SLIT2: variants seen among roughly 807,000 people sequenced by gnomAD.
The protein encoded by SLIT2 is slit homolog 2 protein.
SLIT2 carries 41 observed loss-of-function variants against 185.7 expected under a neutral mutation model. The observed-to-expected ratio is 0.22, with a 90% CI of 0.17 to 0.29. SLIT2 has a LOEUF of 0.29. SLIT2 is among the 10% of genes least tolerant of loss of function. The pLI is 1.00. For missense variants in SLIT2, 1,571 were observed against 1,909.0 expected (o/e 0.82, Z 3.30); for synonymous variants, 693 against 680.2 (o/e 1.02, Z -0.29).
At chr4:20,388,916 A>G (rs1725176535) in intron 4 of SLIT2, among the ~76,000 whole-genome samples, 1 of 146,516 alleles carries the variant, frequency 6.8e-6, no homozygotes, top group Non-Finnish European at 1.5e-5. Flanking sequence ...TACATATAAT[A>G]TATATAATAT....
At position 20,595,793 on chromosome 4, in the gene SLIT2, T is replaced by C; in HGVS notation, c.3279T>C (p.Asp1093=). 1 of 1,614,118 alleles carries C rather than the reference T, an allele frequency of 6.2e-7. No individual in the cohort carries two copies. The highest frequency in any genetic ancestry group is 1.1e-5 in the South Asian group (1 of 91,080). ...GTAAAAACGGAGCCCACTGCACAGATGCAGTGAACGGCTATACGTGCATAT... is the reference window on the plus strand; with the variant it reads ...GTAAAAACGGAGCCCACTGCACAGACGCAGTGAACGGCTATACGTGCATAT... ...NKCKNGAHCT[D]AVNGYTCICP... is the part of the protein sequence containing the mutation. The change falls in exon 31 of 37, where the codon GAT becomes GAC. Residue 1093 remains aspartate (D), a synonymous_variant. Transcript: ENST00000504154.
At chr4:20,517,716 G>T (rs1024720993) in intron 11 of SLIT2, among the ~76,000 whole-genome samples, 2 of 151,980 alleles carry the variant, frequency 1.3e-5, no homozygotes, top group African/African-American at 4.8e-5. Flanking sequence ...ATTCCTTTGA[G>T]GATTTTCTTC....
intron 9 of SLIT2, among the ~76,000 whole-genome samples, chr4:20,509,656 G>A (rs1034899957): frequency 3.3e-5 from 5 of 152,090 alleles, no homozygotes; most frequent in Admixed American, 6.6e-5. Flanking sequence ...ATGTTTGTTT[G>A]GAGTGAAAGG....
chr4:20,454,236 A>G (rs1447689371), intron 4 of SLIT2, among the ~76,000 whole-genome samples: 2 of 152,152 alleles, frequency 1.3e-5, no homozygotes, highest in Admixed American at 1.3e-4. Context: ...TACTACGTAT[A>G]ACTAGTCTTT....
At chr4:20,352,662 C>A (rs1410275774) in intron 4 of SLIT2, among the ~76,000 whole-genome samples, 2 of 152,074 alleles carry the variant, frequency 1.3e-5, no homozygotes, top group African/African-American at 2.4e-5. Flanking sequence ...GCCTGTAATC[C>A]CAGCACTTTG....
At chr4:20,550,945 A>T (rs1723693729) in intron 25 of SLIT2, 47 bp downstream of exon 25, 1 of 1,026,578 alleles carries the variant, frequency 9.7e-7, no homozygotes, top group East Asian at 2.4e-5. Flanking sequence ...AACACTTCCT[A>T]ATGAGTGACT....
chr4:20,354,898 TGTGTGTGTGAGA>T (rs1399947630), intron 4 of SLIT2, among the ~76,000 whole-genome samples: 54 of 124,130 alleles, frequency 4.4e-4, no homozygotes, highest in Non-Finnish European at 5.6e-4. Context: ...TGTGTGTGTG[TGTGTGTGTGAGA>T]GAGAGAGAGA....
intron 4 of SLIT2, among the ~76,000 whole-genome samples, chr4:20,449,737 T>TA (rs572449820): frequency 6.9e-4 from 105 of 152,186 alleles, no homozygotes; most frequent in African/African-American, 2.5e-3. Flanking sequence ...TTTATTTGCT[T>TA]AAAAAAATAG....
At chr4:20,267,694 C>T (rs1713178742) in intron 3 of SLIT2, among the ~76,000 whole-genome samples, 1 of 151,858 alleles carries the variant, frequency 6.6e-6, no homozygotes, top group Admixed American at 6.6e-5. Flanking sequence ...GGGCCCATTT[C>T]TGCCCTCTGG....
At chr4:20,458,156 C>T (rs1368276835) in intron 4 of SLIT2, among the ~76,000 whole-genome samples, 1 of 149,348 alleles carries the variant, frequency 6.7e-6, no homozygotes, top group African/African-American at 2.5e-5. Context: ...GGTCACACAA[C>T]AGTGTGAACG....
At chr4:20,566,421 T>C (rs1258726240) in intron 26 of SLIT2, among the ~76,000 whole-genome samples, 1 of 152,084 alleles carries the variant, frequency 6.6e-6, no homozygotes, top group African/African-American at 2.4e-5. Flanking sequence ...CATACTTTTA[T>C]TGAGGACAGT....
intron 4 of SLIT2, among the ~76,000 whole-genome samples, chr4:20,275,291 C>T (rs1714052921): frequency 6.6e-6 from 1 of 152,114 alleles, no homozygotes; most frequent in Non-Finnish European, 1.5e-5. Flanking sequence ...CAGATACTTG[C>T]AGTTCTGTTA....
At chr4:20,543,023 A>G (rs1267693671) in intron 21 of SLIT2, among the ~76,000 whole-genome samples, 1 of 152,058 alleles carries the variant, frequency 6.6e-6, no homozygotes, top group Non-Finnish European at 1.5e-5. Flanking sequence ...GCACTTTGGG[A>G]AATGCTTTAT....
intron 4 of SLIT2, among the ~76,000 whole-genome samples, chr4:20,372,162 C>T (rs1341499288): frequency 1.3e-5 from 2 of 152,036 alleles, no homozygotes; most frequent in African/African-American, 4.8e-5. Context: ...TTTTTGAAGC[C>T]TTGATTTCAT....
Position 20,313,127 on chromosome 4 carries a change from T to A in SLIT2, c.395+44246T>A, listed in dbSNP as rs138295124. On this transcript the variant is annotated intron_variant, in intron 4 of 36. Transcript: ENST00000504154. Reference sequence around the variant, plus strand: ...TTTCTGTAAAAAGTGGCTGTATTAGTCTGTTTCTGCATTGCTATAAAGAAA... The same window carrying A: ...TTTCTGTAAAAAGTGGCTGTATTAGACTGTTTCTGCATTGCTATAAAGAAA... 4.7e-4 allele frequency among the ~76,000 whole-genome samples: 72 copies of A among 152,336 alleles called. No individual in the cohort carries two copies. In the East Asian group the frequency reaches 0.013, roughly 28 times the overall value.
At chr4:20,613,978 TCTC>T (rs1447086077) in intron 34 of SLIT2, among the ~76,000 whole-genome samples, 1 of 152,142 alleles carries the variant, frequency 6.6e-6, no homozygotes, top group East Asian at 1.9e-4. Context: ...TTCAAGTGAT[TCTC>T]CTGCCTCAGC....
intron 4 of SLIT2, among the ~76,000 whole-genome samples, chr4:20,326,655 T>A (rs1719616260): frequency 6.6e-6 from 1 of 151,806 alleles, no homozygotes; most frequent in Non-Finnish European, 1.5e-5. Flanking sequence ...TCTAAGTGAC[T>A]CTTATTCTGA....
At chr4:20,294,638 C>T (rs116239431) in intron 4 of SLIT2, among the ~76,000 whole-genome samples, 110 of 152,176 alleles carry the variant, frequency 7.2e-4, no homozygotes, top group African/African-American at 2.3e-3. Flanking sequence ...GACACTTTTA[C>T]GAGAAGTTAT....
chr4:20,274,412 A>G (rs1199617564), intron 4 of SLIT2, among the ~76,000 whole-genome samples: 1 of 152,184 alleles, frequency 6.6e-6, no homozygotes, highest in East Asian at 1.9e-4. Flanking sequence ...ACAACTCAAA[A>G]TAGCCATTAC....
Sources: gnomAD v4.1 joint callset for allele counts (sites outside exome capture counted in the v4.1 genomes callset) on GRCh38, gnomAD v4.1.1 for gene constraint, MANE v1.5 for transcripts, NCBI Gene and HGNC (gene_info 2026-07-23, HGNC 2026-07-21) for gene names.